Variants in ADH1C observed in about 807,000 individuals in gnomAD.
ADH1C encodes the protein alcohol dehydrogenase 1C (class I), gamma polypeptide.
In ADH1C, 26 loss-of-function variants were observed where a neutral mutation model predicts 35.0. That is an observed-to-expected ratio of 0.74 (90% CI 0.54 to 1.03). ADH1C has a LOEUF of 1.03. ADH1C is among the 50% of genes least tolerant of loss of function. The probability of loss-of-function intolerance (pLI) is 0.00; values close to 1 mark genes in which losing one functional copy is unlikely to be tolerated. For missense variants in ADH1C, 413 were observed against 465.4 expected, an observed-to-expected ratio of 0.89 and a Z score of 1.04; for synonymous variants, 170 against 169.3, an observed-to-expected ratio of 1.00 and a Z score of -0.03.
At chr4:99,339,520 C>T (rs2298754) in intron 8 of ADH1C, 57 bp downstream of exon 8, 13 of 925,032 alleles carry the variant, frequency 1.4e-5, no homozygotes, top group Middle Eastern at 2.7e-4. Context: ...ACGCCCCCCC[C>T]CCCCCCGCCG....
chr4:99,347,209 A>C (rs1579533937), intron 2 of ADH1C, 65 bp from the exon 3 acceptor site: 1 of 1,539,096 alleles, frequency 6.5e-7, no homozygotes, highest in East Asian at 2.3e-5. Flanking sequence ...GACTTAACAA[A>C]CCCAATTTTC....
Position 99,338,391 on chromosome 4 carries a change from TTTTC to T in ADH1C, c.1103+1182_1103+1185del, listed in dbSNP as rs200172585. 0.025 allele frequency among the ~76,000 whole-genome samples: 662 copies of T among 26,998 alleles called. 95 individuals carry two copies. The East Asian group carries it at 0.54, about 22-fold the overall frequency. The allele number at this position is 26,998 out of a possible 152,430, so 17.7% of individuals were successfully genotyped here. ...GATAATTAACCTTTGATGAATACTG[TTTTC>T]TATATATATATATATATATATATAT... On this transcript the variant is annotated intron_variant, in intron 8 of 8. Coordinates refer to ENST00000515683, the MANE Select transcript of ADH1C (RefSeq NM_000669.5).
intron 1 of ADH1C, among the ~76,000 whole-genome samples, chr4:99,350,409 C>A (rs781315012): frequency 2.6e-5 from 4 of 152,140 alleles, no homozygotes; most frequent in Non-Finnish European, 5.9e-5. Context: ...AGTCTTTTAT[C>A]CCTAACCAAA....
At chr4:99,343,393 T>C (rs1734460324) in intron 5 of ADH1C, among the ~76,000 whole-genome samples, 1 of 152,212 alleles carries the variant, frequency 6.6e-6, no homozygotes, top group Non-Finnish European at 1.5e-5. Flanking sequence ...ACCAGGGGAC[T>C]GGATGATCTT....
chr4:99,347,618 A>C (rs1307787685), intron 2 of ADH1C, 127 bp downstream of exon 2: 1 of 1,088,368 alleles, frequency 9.2e-7, no homozygotes, highest in Non-Finnish European at 1.3e-6. Context: ...CCTTGACAAC[A>C]AATGTAATTT....
intron 8 of ADH1C, among the ~76,000 whole-genome samples, chr4:99,337,274 T>TA (rs1734300380): frequency 6.6e-6 from 1 of 152,220 alleles, no homozygotes; most frequent in Middle Eastern, 3.4e-3. Context: ...GTCGCACATC[T>TA]AGTATAGGGT....
chr4:99,351,802 C>T (rs1034003275), intron 1 of ADH1C, among the ~76,000 whole-genome samples: 2 of 152,112 alleles, frequency 1.3e-5, no homozygotes, highest in Non-Finnish European at 2.9e-5. Context: ...GAAATAGTTG[C>T]ACAGATTTTT....
At chr4:99,343,620 C>G (rs1214537786) in intron 5 of ADH1C, among the ~76,000 whole-genome samples, 1 of 152,172 alleles carries the variant, frequency 6.6e-6, no homozygotes, top group Non-Finnish European at 1.5e-5. Flanking sequence ...ACCAGTATAT[C>G]CCTCCTTTAA....
At chr4:99,341,686 T>G (rs1041167572) in intron 6 of ADH1C, among the ~76,000 whole-genome samples, 1 of 152,198 alleles carries the variant, frequency 6.6e-6, no homozygotes, top group Non-Finnish European at 1.5e-5. Context: ...AACTTTTTTG[T>G]TTCTGGAGAC....
chr4:99,341,980 C>T (rs1335070404), intron 6 of ADH1C, among the ~76,000 whole-genome samples: 5 of 149,830 alleles, frequency 3.3e-5, no homozygotes, highest in African/African-American at 1.2e-4. Flanking sequence ...TCACTGCACT[C>T]CAGCCTGGTG....
chr4:99,347,648 T>C lies in ADH1C; in HGVS notation c.120+97A>G. ...TAATTTTATTTTCTGGATAATTATA[T>C]AAAAAATACCTCTAGTGGATTTTGG... On this transcript the variant is annotated intron_variant, in intron 2 of 8. Coordinates refer to ENST00000515683, the MANE Select transcript of ADH1C (RefSeq NM_000669.5). The C allele has an allele frequency of 4.1e-6, 5 of 1,216,360 alleles. No homozygotes were observed. The South Asian group carries it at 7.1e-5, about 17-fold the overall frequency. 75.3% of individuals were successfully genotyped at this position (1,216,360 alleles called of 1,614,324 possible). A position where few individuals can be genotyped will look rare whatever the true frequency, so the allele number is the denominator to read the frequency against.
At chr4:99,350,429 A>G (rs1358355844) in intron 1 of ADH1C, among the ~76,000 whole-genome samples, 1 of 152,174 alleles carries the variant, frequency 6.6e-6, no homozygotes, top group Non-Finnish European at 1.5e-5. Flanking sequence ...AGTCCTCTAT[A>G]TCATTCTTAT....
chr4:99,341,851 C>T (rs1734422420), intron 6 of ADH1C, among the ~76,000 whole-genome samples: 1 of 151,824 alleles, frequency 6.6e-6, no homozygotes, highest in Admixed American at 6.6e-5. Flanking sequence ...TATTTCATAT[C>T]AATAATGCCA....
chr4:99,344,946 A>G lies in ADH1C; in HGVS notation c.483T>C (p.Ile161=). ...CTTTCTCCAGGGGCGAGGCTGCATC[A>G]ATTTTGGCCACTGCATTCTCATCCA... ...TVVDENAVAK[I]DAASPLEKVC... is the part of the protein sequence containing the mutation. The change falls in exon 5 of 9, where the codon ATT becomes ATC. Residue 161 remains isoleucine, a synonymous_variant. Coordinates refer to ENST00000515683, the MANE Select transcript of ADH1C (RefSeq NM_000669.5). 1 of 1,614,204 alleles carries G rather than the reference A, an allele frequency of 6.2e-7. No individual in the cohort carries two copies. The highest frequency in any genetic ancestry group is 8.5e-7 in the Non-Finnish European group (1 of 1,180,042).
At position 99,340,866 on chromosome 4, in the gene ADH1C, A is replaced by G. The variant is rs538407095; in HGVS notation, c.829-156T>C. ...TTCATTCCCCCTTTCTTTGCATAGG[A>G]TAATGCTGTGGATGTAGCAAATGCC... is the stretch of plus-strand genomic sequence containing the variant. On this transcript the variant is annotated intron_variant, in intron 6 of 8. Coordinates refer to ENST00000515683, the MANE Select transcript of ADH1C (RefSeq NM_000669.5). 2.0e-5 allele frequency among the ~76,000 whole-genome samples: 3 copies of G among 152,366 alleles called. No individual in the cohort carries two copies. The South Asian group carries it at 6.2e-4, about 32-fold the overall frequency.
At chr4:99,344,689 T>A (rs1734487963) in intron 5 of ADH1C, among the ~76,000 whole-genome samples, 173 bp downstream of exon 5, 2 of 152,250 alleles carry the variant, frequency 1.3e-5, no homozygotes, top group Admixed American at 6.5e-5. Flanking sequence ...TTATCTGCAA[T>A]AAATTGGTGA....
rs750441233 is a variant in ADH1C, at chr4:99,344,947, A to G, written c.482T>C (p.Ile161Thr). ...TVVDENAVAK[I>T]DAASPLEKVC... ...TTTCTCCAGGGGCGAGGCTGCATCA[A>G]TTTTGGCCACTGCATTCTCATCCAC... Residue 161 changes from isoleucine to threonine, a missense_variant, in exon 5 of 9, where the codon ATT becomes ACT. By Grantham distance (89) the Ile-to-Thr change is moderately conservative. Coordinates refer to ENST00000515683, the MANE Select transcript of ADH1C (RefSeq NM_000669.5). 9.9e-6 allele frequency: 16 copies of G among 1,614,168 alleles called. No homozygotes were observed. Among genetic ancestry groups the G allele is most frequent in the East Asian group, 4.5e-5 (2 of 44,880 alleles).
rs988677327 is a variant in ADH1C at position 99,344,735 on chromosome 4, A to G, written c.567+127T>C. 6.5e-6 allele frequency: 8 copies of G among 1,239,456 alleles called. No individual in the cohort carries two copies. The Admixed American group carries it at 2.0e-4, about 31-fold the overall frequency. The allele number at this position is 1,239,456 out of a possible 1,614,324, so 76.8% of individuals were successfully genotyped here. A position where few individuals can be genotyped will look rare whatever the true frequency, so the allele number is the denominator to read the frequency against. On this transcript the variant is annotated intron_variant, in intron 5 of 8. Coordinates refer to ENST00000515683, the MANE Select transcript of ADH1C (RefSeq NM_000669.5). ...CTGTGCTCTCAGTTCTTTCTGGGTC[A>G]TTTTTCTACTCTTAATCGACACTTC... is the stretch of plus-strand genomic sequence containing the variant.
intron 1 of ADH1C, 81 bp from the exon 2 acceptor site, chr4:99,347,927 G>T: frequency 1.9e-5 from 28 of 1,491,854 alleles, no homozygotes; most frequent in Non-Finnish European, 2.6e-5. Flanking sequence ...CTTTGTACAT[G>T]CAACATTGAG....
Sources: allele counts gnomAD v4.1 joint callset (sites outside exome capture counted in the v4.1 genomes callset), GRCh38; gene constraint gnomAD v4.1.1; transcripts MANE v1.5; gene names NCBI Gene and HGNC (gene_info 2026-07-23, HGNC 2026-07-21).